Variants in ADCY8 observed in about 807,000 individuals in gnomAD.
ADCY8 encodes the protein adenylate cyclase 8, also known as adenylate cyclase type 8.
A neutral mutation model predicts 119.7 loss-of-function variants in ADCY8; 51 were observed. The ratio of observed to expected loss-of-function variants is 0.43; its 90% confidence interval spans 0.34 to 0.54. The LOEUF is 0.54. Ranked by LOEUF, ADCY8 falls within the 20% of genes least tolerant of loss-of-function variation. ADCY8 has a pLI of 0.03. For missense variants in ADCY8, 1,383 were observed against 1,598.8 expected (o/e 0.87, Z 2.30); for synonymous variants, 665 against 651.0 (o/e 1.02, Z -0.33).
chr8:130,989,236 C>T (rs1014268277), intron 2 of ADCY8, among the ~76,000 whole-genome samples: 3 of 152,166 alleles, frequency 2.0e-5, no homozygotes, highest in African/African-American at 2.4e-5. Context: ...TCAGTAGTTT[C>T]CTCTGCCCTG....
chr8:130,920,794 C>A (rs1820278306), intron 5 of ADCY8, among the ~76,000 whole-genome samples: 1 of 152,192 alleles, frequency 6.6e-6, no homozygotes, highest in South Asian at 2.1e-4. Context: ...TTACCCTCCA[C>A]AATGTGTGTG....
chr8:130,996,635 G>T (rs551906505), intron 1 of ADCY8, among the ~76,000 whole-genome samples: 1 of 151,960 alleles, frequency 6.6e-6, no homozygotes, highest in African/African-American at 2.4e-5. Context: ...CAACTACAGG[G>T]GAAAAAAATG....
At chr8:130,872,680 T>C (rs748548139) in intron 8 of ADCY8, among the ~76,000 whole-genome samples, 3 of 152,180 alleles carry the variant, frequency 2.0e-5, no homozygotes, top group Non-Finnish European at 2.9e-5. Flanking sequence ...CTCATCACAA[T>C]GCAATGCAAA....
intron 8 of ADCY8, among the ~76,000 whole-genome samples, chr8:130,870,360 C>A (rs571242202): frequency 6.6e-6 from 1 of 152,228 alleles, no homozygotes; most frequent in East Asian, 1.9e-4. Context: ...AACATCACCA[C>A]CTGTCATCAT....
chr8:130,922,817 C>T (rs188257655), intron 5 of ADCY8, among the ~76,000 whole-genome samples: 10 of 152,246 alleles, frequency 6.6e-5, no homozygotes, highest in East Asian at 1.9e-4. Context: ...CAACAGAAAA[C>T]GGGCTAATAA....
In ADCY8 at chr8:131,027,900, A is replaced by G. The variant is rs190765298; in HGVS notation, c.960+11474T>C. ...CAAGACCTGGAGGAACCTGAGAAAG[A>G]AGAGTATGTAACCAGCACTACACTA... is the stretch of plus-strand genomic sequence containing the variant. On this transcript the variant is annotated intron_variant, in intron 1 of 17. Transcript: ENST00000286355. Among the ~76,000 whole-genome samples the G allele has an allele frequency of 3.8e-3, 578 of 152,338 alleles. 1 individual carries two copies. Among genetic ancestry groups the G allele is most frequent in the African/African-American group, 0.014 (562 of 41,582 alleles).
chr8:130,919,053 A>G (rs1237286809), intron 5 of ADCY8, among the ~76,000 whole-genome samples: 7 of 152,222 alleles, frequency 4.6e-5, no homozygotes, highest in Non-Finnish European at 4.4e-5. Flanking sequence ...ACAGAGTGAC[A>G]GTCCGTCTCC....
intron 12 of ADCY8, among the ~76,000 whole-genome samples, chr8:130,835,345 C>G (rs967175673): frequency 2.6e-5 from 4 of 152,156 alleles, no homozygotes; most frequent in African/African-American, 9.7e-5. Context: ...TTCCTCTGTC[C>G]TGAGACACTT....
chr8:130,900,197 A>G (rs1453774376), intron 7 of ADCY8, among the ~76,000 whole-genome samples: 6 of 152,212 alleles, frequency 3.9e-5, no homozygotes, highest in Non-Finnish European at 8.8e-5. Flanking sequence ...TGGATACCAG[A>G]ATGGGGTCAA....
At chr8:130,830,589 C>T (rs1206302628) in intron 12 of ADCY8, among the ~76,000 whole-genome samples, 1 of 152,148 alleles carries the variant, frequency 6.6e-6, no homozygotes, top group Non-Finnish European at 1.5e-5. Flanking sequence ...TCCTACACCC[C>T]TCATGTGTGT....
At chr8:131,037,390 A>G (rs934252969) in intron 1 of ADCY8, among the ~76,000 whole-genome samples, 19 of 152,206 alleles carry the variant, frequency 1.2e-4, no homozygotes, top group Admixed American at 1.0e-3. Flanking sequence ...GCCAAAATTT[A>G]CTTTCTGGAT....
At chr8:130,893,394 T>C (rs1309025075) in intron 7 of ADCY8, among the ~76,000 whole-genome samples, 1 of 152,058 alleles carries the variant, frequency 6.6e-6, no homozygotes, top group Non-Finnish European at 1.5e-5. Context: ...AACTGAAACA[T>C]TGGTGGTTTG....
intron 4 of ADCY8, among the ~76,000 whole-genome samples, chr8:130,941,535 T>A (rs778375917): frequency 1.3e-5 from 2 of 152,204 alleles, no homozygotes; most frequent in Admixed American, 1.3e-4. Context: ...GTGTAACTGA[T>A]ACCAACCACC....
chr8:131,008,655 G>T (rs893427109), intron 1 of ADCY8, among the ~76,000 whole-genome samples: 4 of 152,176 alleles, frequency 2.6e-5, no homozygotes, highest in African/African-American at 4.8e-5. Context: ...TGCTATAAGA[G>T]TACTCAAAAA....
chr8:130,969,371 A>G (rs1821856881), intron 2 of ADCY8, among the ~76,000 whole-genome samples: 1 of 152,212 alleles, frequency 6.6e-6, no homozygotes, highest in Non-Finnish European at 1.5e-5. Context: ...GCTAGCCTCC[A>G]TAACTGAATG....
intron 14 of ADCY8, among the ~76,000 whole-genome samples, chr8:130,811,477 G>T (rs1351140544): frequency 6.6e-6 from 1 of 152,200 alleles, no homozygotes; most frequent in Non-Finnish European, 1.5e-5. Flanking sequence ...GGTCAGATTT[G>T]TCTCAGGGTC....
In ADCY8 at chr8:130,803,155, C is replaced by G. The variant is rs147085519; in HGVS notation, c.2914-2583G>C. ...GACACAAACCCTGTTCTATTTCACA[C>G]TTAAATGCTTTTATTCCTACCGTCT... is the stretch of plus-strand genomic sequence containing the variant. On this transcript the variant is annotated intron_variant, in intron 14 of 17. Coordinates refer to ENST00000286355, the MANE Select transcript of ADCY8 (RefSeq NM_001115.3). 1.6e-3 allele frequency among the ~76,000 whole-genome samples: 249 copies of G among 152,346 alleles called. 2 individuals are homozygous for G. The highest frequency in any genetic ancestry group is 6.7e-3 in the East Asian group (35 of 5,190).
At position 130,780,488 on chromosome 8, in the gene ADCY8, T is replaced by C. The variant is rs1471591997; in HGVS notation, c.3658A>G (p.Ile1220Val). The part of the protein sequence containing the change: ...QLLNENNNTG[I>V]IKGHYNRRTL... ...CGCCGGTTGTAATGACCCTTGATGATTCCTGTGTTGTTGTTCTCATTGAGT... is the reference window on the plus strand; with the variant it reads ...CGCCGGTTGTAATGACCCTTGATGACTCCTGTGTTGTTGTTCTCATTGAGT... Residue 1220 changes from isoleucine to valine, a missense_variant, in exon 18 of 18, where the codon ATC becomes GTC. Around this residue, in one of 2 missense-constraint regions of ADCY8, gnomAD observed 928 missense variants for 1,163.5 expected, o/e 0.80. Transcript: ENST00000286355. 1 of 1,614,122 alleles carries C rather than the reference T, an allele frequency of 6.2e-7. No homozygotes were observed. Among genetic ancestry groups the C allele is most frequent in the South Asian group, 1.1e-5 (1 of 91,076 alleles).
At chr8:130,913,548 A>G (rs117787612) in intron 5 of ADCY8, among the ~76,000 whole-genome samples, 2,327 of 152,266 alleles carry the variant, frequency 0.015, 42 homozygotes, top group Admixed American at 0.058. Context: ...CACAGTCTTT[A>G]AAATTTTTTC....
Sources: allele counts gnomAD v4.1 joint callset (sites outside exome capture counted in the v4.1 genomes callset), GRCh38; gene constraint gnomAD v4.1.1; regional missense constraint gnomAD v4.1.1; transcripts MANE v1.5; gene names NCBI Gene and HGNC (gene_info 2026-07-23, HGNC 2026-07-21).